Variants in GLIS3 observed in about 807,000 individuals in gnomAD.
GLIS3 encodes zinc finger protein GLIS3.
GLIS3 carries 53 observed loss-of-function variants against 78.6 expected under a neutral mutation model. The observed-to-expected ratio is 0.67, with a 90% CI of 0.54 to 0.85. The LOEUF is 0.85. Among genes scored for constraint, GLIS3 ranks in the 40% least tolerant of loss-of-function variants. The probability of loss-of-function intolerance (pLI) is 0.00; values close to 1 mark genes in which losing one functional copy is unlikely to be tolerated. For synonymous variants in GLIS3, 684 were observed against 509.9 expected (o/e 1.34, Z -4.60); for missense variants, 1,703 against 1,231.1 (o/e 1.38, Z -5.74).
At chr9:3,996,227 C>G (rs1266692037) in intron 4 of GLIS3, among the ~76,000 whole-genome samples, 1 of 151,940 alleles carries the variant, frequency 6.6e-6, no homozygotes, top group African/African-American at 2.4e-5. Context: ...CTGACAGATC[C>G]TCACTAAAGG....
chr9:4,358,173 A>C, the GLIS3 span, among the ~76,000 whole-genome samples: 4 of 152,202 alleles, frequency 2.6e-5, no homozygotes, highest in East Asian at 7.7e-4. Context: ...TATGCAAAGA[A>C]AATTTCCAGA....
chr9:4,465,720 T>C, the GLIS3 span, among the ~76,000 whole-genome samples: 1 of 152,166 alleles, frequency 6.6e-6, no homozygotes, highest in African/African-American at 2.4e-5. Context: ...TATATACACC[T>C]ACTATGCATC....
At chr9:4,228,075 G>A (rs12006163) in intron 2 of GLIS3, among the ~76,000 whole-genome samples, 12,913 of 152,062 alleles carry the variant, frequency 0.085, 663 homozygotes, top group East Asian at 0.23. Context: ...AAAAGGGAAG[G>A]GGCCAGGAGA....
At chr9:4,125,578 C>T (rs535027472) in intron 3 of GLIS3, among the ~76,000 whole-genome samples, 156 bp downstream of exon 3, 20 of 152,198 alleles carry the variant, frequency 1.3e-4, no homozygotes, top group African/African-American at 4.6e-4. Context: ...TAGTTTTAGA[C>T]ATATTCCCCT....
At chr9:4,424,115 G>C in the GLIS3 span, among the ~76,000 whole-genome samples, 3 of 152,244 alleles carry the variant, frequency 2.0e-5, no homozygotes, top group Middle Eastern at 3.4e-3. Flanking sequence ...CAATATCCTT[G>C]AATTTCCAGT....
intron 2 of GLIS3, among the ~76,000 whole-genome samples, chr9:4,188,269 C>T (rs4440678): frequency 0.86 from 128,484 of 149,804 alleles, 55,823 homozygotes; most frequent in Non-Finnish European, 0.94. Flanking sequence ...TGGTTTTTGT[C>T]TTTGGTTCGT....
chr9:4,359,369 C>T, the GLIS3 span, among the ~76,000 whole-genome samples: 15 of 152,260 alleles, frequency 9.9e-5, no homozygotes, highest in South Asian at 1.7e-3. Flanking sequence ...AATCACTGTC[C>T]TTAGAAACAG....
chr9:4,416,125 G>A, the GLIS3 span, among the ~76,000 whole-genome samples: 1 of 151,538 alleles, frequency 6.6e-6, no homozygotes, highest in African/African-American at 2.4e-5. Flanking sequence ...AGTGGCTCAT[G>A]CCTATAATCC....
intron 4 of GLIS3, among the ~76,000 whole-genome samples, chr9:4,049,533 C>T (rs1282991558): frequency 3.3e-5 from 5 of 152,132 alleles, no homozygotes; most frequent in Admixed American, 2.0e-4. Flanking sequence ...CTGAGCTATT[C>T]GTAGTCTGAT....
chr9:4,340,464 G>A (rs1239740759), intron 2 of GLIS3, among the ~76,000 whole-genome samples: 1 of 152,046 alleles, frequency 6.6e-6, no homozygotes, highest in African/African-American at 2.4e-5. Context: ...GTGTCTTTGG[G>A]GCAAATTCCT....
chr9:4,208,402 G>T (rs1471847382), intron 2 of GLIS3, among the ~76,000 whole-genome samples: 3 of 152,140 alleles, frequency 2.0e-5, no homozygotes, highest in Non-Finnish European at 2.9e-5. Context: ...AATGGCAAGG[G>T]GACTGAGCAA....
intron 4 of GLIS3, chr9:4,054,414 G>A (rs112635516): frequency 2.9e-5 from 29 of 985,284 alleles, no homozygotes; most frequent in African/African-American, 7.0e-5. Flanking sequence ...TGAATTTAAC[G>A]GTTGGTTACA....
At chr9:3,897,747 G>T (rs73640918) in intron 7 of GLIS3, among the ~76,000 whole-genome samples, 1 of 152,228 alleles carries the variant, frequency 6.6e-6, no homozygotes, top group East Asian at 1.9e-4. Context: ...AATTTAAAAC[G>T]TTGTACAAGG....
At chr9:4,330,516 C>T (rs1170367993) in intron 2 of GLIS3, among the ~76,000 whole-genome samples, 2 of 152,120 alleles carry the variant, frequency 1.3e-5, no homozygotes, top group Admixed American at 6.5e-5. Flanking sequence ...AAACAACCTC[C>T]ACTTAGGTGG....
At chr9:4,251,560 C>G (rs557857078) in intron 2 of GLIS3, among the ~76,000 whole-genome samples, 2 of 151,940 alleles carry the variant, frequency 1.3e-5, no homozygotes, top group Non-Finnish European at 2.9e-5. Context: ...TGAGTCTTTA[C>G]CCAATTTGCC....
the GLIS3 span, among the ~76,000 whole-genome samples, chr9:4,419,584 G>A: frequency 6.6e-6 from 1 of 152,052 alleles, no homozygotes; most frequent in African/African-American, 2.4e-5. Context: ...GAGGTCAGGA[G>A]TTCAAGCCAA....
chr9:4,439,922 A>G, the GLIS3 span, among the ~76,000 whole-genome samples: 1 of 152,148 alleles, frequency 6.6e-6, no homozygotes, highest in Non-Finnish European at 1.5e-5. Flanking sequence ...TGCTCAAGCA[A>G]TCTGCCTACC....
chr9:4,337,777 G>C (rs140626456), intron 2 of GLIS3, among the ~76,000 whole-genome samples: 11 of 152,188 alleles, frequency 7.2e-5, no homozygotes, highest in East Asian at 1.9e-4. Context: ...GTAGCAACCA[G>C]TTTTGTTTAC....
intron 1 of GLIS3, chr9:4,298,296 G>T (rs758066897): frequency 3.1e-5 from 14 of 449,664 alleles, no homozygotes; most frequent in Non-Finnish European, 4.5e-5. Flanking sequence ...GTTTCCTTTC[G>T]CTTCTCGCCT....
Sources: allele counts gnomAD v4.1 joint callset (sites outside exome capture counted in the v4.1 genomes callset), GRCh38; gene constraint gnomAD v4.1.1; transcripts MANE v1.5; gene names NCBI Gene and HGNC (gene_info 2026-07-23, HGNC 2026-07-21).